The following PRKN variants were observed in gnomAD, a reference collection of about 807,000 sequenced individuals.
PRKN encodes parkin RBR E3 ubiquitin protein ligase.
In PRKN, 56 loss-of-function variants were observed where a neutral mutation model predicts 59.5. That is an observed-to-expected ratio of 0.94 (90% CI 0.76 to 1.18). The LOEUF is 1.18. PRKN is among the 50% of genes most tolerant of loss of function. The pLI, the probability that PRKN is intolerant of heterozygous loss-of-function variation, is 0.00. For synonymous variants in PRKN, 250 were observed against 222.1 expected, an observed-to-expected ratio of 1.13 and a Z score of -1.12; for missense variants, 657 against 596.4, an observed-to-expected ratio of 1.10 and a Z score of -1.06.
rs188046951 is a variant in PRKN at position 162,149,588 on chromosome 6, C to T, written c.534+51543G>A. Among the ~76,000 whole-genome samples, 14 of 152,154 alleles carry T rather than the reference C, an allele frequency of 9.2e-5. No homozygotes were observed. In the East Asian group the frequency reaches 2.3e-3, roughly 25 times the overall value. Reference sequence around the variant, plus strand: ...AGTAAAATCAAGTCAAGATGGAAACCAGGAAGGTTGCCATCCTGTACTGTT... The same window carrying T: ...AGTAAAATCAAGTCAAGATGGAAACTAGGAAGGTTGCCATCCTGTACTGTT... On this transcript the variant is annotated intron_variant, in intron 4 of 11. Transcript: ENST00000366898.
intron 6 of PRKN, among the ~76,000 whole-genome samples, chr6:161,919,001 C>G (rs1458379629): frequency 6.6e-6 from 1 of 152,110 alleles, no homozygotes; most frequent in Admixed American, 6.6e-5. Context: ...GTTAAGCACA[C>G]GACTGTTAGA....
intron 6 of PRKN, among the ~76,000 whole-genome samples, chr6:161,926,910 C>T (rs1237991924): frequency 6.6e-6 from 1 of 152,080 alleles, no homozygotes; most frequent in African/African-American, 2.4e-5. Flanking sequence ...TAAATTCAGC[C>T]TTTAGAGAAA....
intron 6 of PRKN, among the ~76,000 whole-genome samples, chr6:161,822,133 T>A (rs970927449): frequency 1.1e-4 from 17 of 152,082 alleles, no homozygotes; most frequent in Admixed American, 8.5e-4. Flanking sequence ...ACTCACTCAG[T>A]CTTTCTTAGC....
At chr6:161,615,253 G>C (rs953385648) in intron 7 of PRKN, among the ~76,000 whole-genome samples, 1 of 152,104 alleles carries the variant, frequency 6.6e-6, no homozygotes, top group East Asian at 1.9e-4. Context: ...CCTTTCTGCT[G>C]CCCCCTAACC....
chr6:161,589,908 T>C (rs1310395712), intron 7 of PRKN, among the ~76,000 whole-genome samples: 2 of 151,412 alleles, frequency 1.3e-5, no homozygotes, highest in African/African-American at 4.9e-5. Context: ...GCCTCACAAG[T>C]AGCTGGGACT....
rs890673310 is a variant in PRKN, at chr6:161,410,995, C to T, written c.1084-24118G>A. Among the ~76,000 whole-genome samples the T allele has an allele frequency of 2.0e-5, 3 of 152,138 alleles. No homozygotes were observed. The highest frequency in any genetic ancestry group is 7.2e-5 in the African/African-American group (3 of 41,420). On this transcript the variant is annotated intron_variant, in intron 9 of 11. Transcript: ENST00000366898. The surrounding 1 kb of genome is among the most constrained non-coding windows in gnomAD (Gnocchi z 5.3). ...GGTGGAAGGAAGGCAGTTGACTCAT[C>T]CTGCTTCCCTGTAGTAGATTTTATT...
intron 1 of PRKN, 44 bp downstream of exon 1, chr6:162,727,618 G>A (rs1313455765): frequency 2.6e-6 from 4 of 1,567,502 alleles, no homozygotes; most frequent in Admixed American, 1.8e-5. Context: ...ATACCGGGGC[G>A]TGGGGCGGCG....
chr6:162,195,674 A>C (rs1290307207), intron 4 of PRKN, among the ~76,000 whole-genome samples: 1 of 152,036 alleles, frequency 6.6e-6, no homozygotes, highest in African/African-American at 2.4e-5. Flanking sequence ...TTTTTGAGAT[A>C]AAGTAATTAC....
intron 1 of PRKN, among the ~76,000 whole-genome samples, chr6:162,665,224 G>A (rs1779054032): frequency 6.6e-6 from 1 of 152,058 alleles, no homozygotes; most frequent in Admixed American, 6.6e-5. Flanking sequence ...ATTCAAATGG[G>A]AAGACAGGAA....
chr6:161,507,225 T>C (rs1778207373), intron 9 of PRKN, among the ~76,000 whole-genome samples: 1 of 152,170 alleles, frequency 6.6e-6, no homozygotes, highest in Non-Finnish European at 1.5e-5. Context: ...AGAGGTTTGG[T>C]GACTAGGCTT....
chr6:162,723,226 G>A (rs1779002652), intron 1 of PRKN, among the ~76,000 whole-genome samples: 1 of 152,190 alleles, frequency 6.6e-6, no homozygotes, highest in African/African-American at 2.4e-5. Flanking sequence ...AGCAGGTGCT[G>A]GAATCACTGG....
At chr6:161,696,806 C>T (rs1786041459) in intron 7 of PRKN, among the ~76,000 whole-genome samples, 1 of 152,162 alleles carries the variant, frequency 6.6e-6, no homozygotes, top group African/African-American at 2.4e-5. Flanking sequence ...TGCACTACTA[C>T]TTTGTGATTT....
intron 9 of PRKN, among the ~76,000 whole-genome samples, chr6:161,453,139 T>A (rs952925857): frequency 6.6e-6 from 1 of 152,156 alleles, no homozygotes; most frequent in East Asian, 1.9e-4. Context: ...TGAAAGTTTT[T>A]AAAAAATGGA....
rs140092190 is a variant in PRKN, at chr6:161,975,776, T to A, written c.619-2359A>T. On this transcript the variant is annotated intron_variant, in intron 5 of 11. Transcript: ENST00000366898. ...ACTTGGGAAACCTGAGCTCCACCAA[T>A]GTCAGAGGCAAAGTGAGTAAACTCT... Among the ~76,000 whole-genome samples the A allele has an allele frequency of 1.5e-3, 235 of 152,306 alleles. 1 individual carries two copies. Among genetic ancestry groups the A allele is most frequent in the African/African-American group, 5.4e-3 (223 of 41,574 alleles).
At chr6:161,837,615 T>C (rs1042097643) in intron 6 of PRKN, among the ~76,000 whole-genome samples, 11 of 150,920 alleles carry the variant, frequency 7.3e-5, no homozygotes, top group Non-Finnish European at 1.5e-4. Context: ...ATCCAAACTG[T>C]TGAATAAACT....
chr6:161,875,077 GTATA>G (rs1191853862), intron 6 of PRKN, among the ~76,000 whole-genome samples: 1 of 82,766 alleles, frequency 1.2e-5, no homozygotes, highest in Non-Finnish European at 2.2e-5. Context: ...TATATATAAA[GTATA>G]TATGATATAT....
At chr6:162,546,109 T>TTTG (rs2128201718) in intron 1 of PRKN, among the ~76,000 whole-genome samples, 1 of 148,652 alleles carries the variant, frequency 6.7e-6, no homozygotes, top group African/African-American at 2.5e-5. Context: ...AGTTTTTTTT[T>TTTG]TTTTTTTTTT....
chr6:161,842,277 C>T (rs1793018341), intron 6 of PRKN, among the ~76,000 whole-genome samples: 1 of 151,910 alleles, frequency 6.6e-6, no homozygotes, highest in Non-Finnish European at 1.5e-5. Flanking sequence ...GGCAGGCACA[C>T]TTAAGTTCAG....
chr6:161,722,023 C>CA (rs1562632386), intron 7 of PRKN, among the ~76,000 whole-genome samples: 1 of 152,118 alleles, frequency 6.6e-6, no homozygotes, highest in Non-Finnish European at 1.5e-5. Flanking sequence ...TTGAAAGCAC[C>CA]AATTACTCCT....
Sources: gnomAD v4.1 joint callset for allele counts (sites outside exome capture counted in the v4.1 genomes callset) on GRCh38, gnomAD v4.1.1 for gene constraint, Gnocchi (gnomAD v3.1) non-coding constraint, MANE v1.5 for transcripts, NCBI Gene and HGNC (gene_info 2026-07-23, HGNC 2026-07-21) for gene names.